FAM200B: variants seen among roughly 807,000 people sequenced by gnomAD.
FAM200B encodes protein FAM200B.
In FAM200B, 32 loss-of-function variants were observed where a neutral mutation model predicts 33.1. The observed-to-expected ratio is 0.97, with a 90% CI of 0.73 to 1.30. The LOEUF (loss-of-function observed/expected upper bound fraction) is 1.30, where lower values mean the gene tolerates loss of function less well. Among genes scored for constraint, FAM200B ranks in the 50% most tolerant of loss-of-function variants. FAM200B has a pLI of 0.00. For missense variants in FAM200B, 741 were observed against 754.0 expected (o/e 0.98, Z 0.20); for synonymous variants, 240 against 264.8 (o/e 0.91, Z 0.91).
At chr4:15,656,154 T>C in the FAM200B span, 2 of 455,814 alleles carry the variant, frequency 4.4e-6, no homozygotes, top group South Asian at 1.5e-5. Flanking sequence ...TAATGGAAGG[T>C]TGGTGCGGGA....
In FAM200B at chr4:15,686,293, AT is replaced by A. The variant is rs1718842366; in HGVS notation, c.-682del. The stretch of plus-strand genomic sequence containing the variant: ...AATATACCATCAACTCCAACCTGAT[AT>A]TTGACCTAGCCATGGAAAACCTCAT... On this transcript the variant is annotated 5_prime_UTR_variant, in exon 2 of 2. Coordinates refer to ENST00000422728, the MANE Select transcript of FAM200B (RefSeq NM_001145191.2). 1 of 152,204 alleles carries A rather than the reference AT, an allele frequency of 6.6e-6. No homozygotes were observed. Among genetic ancestry groups the A allele is most frequent in the Non-Finnish European group, 1.5e-5 (1 of 68,044 alleles). 9.4% of individuals were successfully genotyped at this position (152,204 alleles called of 1,614,324 possible). A position where few individuals can be genotyped will look rare whatever the true frequency, so the allele number is the denominator to read the frequency against.
chr4:15,674,971 T>C, the FAM200B span, among the ~76,000 whole-genome samples: 1 of 152,158 alleles, frequency 6.6e-6, no homozygotes, highest in Non-Finnish European at 1.5e-5. Context: ...TAATGATAAA[T>C]TAATTTGTCA....
chr4:15,638,709 A>C, the FAM200B span: 1 of 1,509,772 alleles, frequency 6.6e-7, no homozygotes, highest in Non-Finnish European at 9.0e-7. Flanking sequence ...ATTAAACAAA[A>C]TATTCACGAG....
At chr4:15,658,609 CAG>C in the FAM200B span, among the ~76,000 whole-genome samples, 3 of 152,208 alleles carry the variant, frequency 2.0e-5, no homozygotes, top group African/African-American at 2.4e-5. Flanking sequence ...TGGGACTCTG[CAG>C]AGTCGCCACC....
upstream of FAM200B, among the ~76,000 whole-genome samples, chr4:15,679,161 C>G (rs2148834414): frequency 6.7e-6 from 1 of 149,870 alleles, no homozygotes; most frequent in East Asian, 2.0e-4. Context: ...CTCCTGGGTT[C>G]AAGCGATTCT....
upstream of FAM200B, among the ~76,000 whole-genome samples, chr4:15,680,118 A>G (rs907919451): frequency 7.6e-5 from 11 of 143,828 alleles, no homozygotes; most frequent in African/African-American, 3.0e-4. Flanking sequence ...GTAAAACAGG[A>G]AAAAAAAAAA....
At chr4:15,654,659 T>G in the FAM200B span, among the ~76,000 whole-genome samples, 1 of 151,796 alleles carries the variant, frequency 6.6e-6, no homozygotes, top group Admixed American at 6.6e-5. Flanking sequence ...AAGCCGGGGG[T>G]AAAAGGAACC....
chr4:15,656,128 T>TG, the FAM200B span: 1 of 451,638 alleles, frequency 2.2e-6, no homozygotes, highest in Non-Finnish European at 4.4e-6. Context: ...GCCTTGGGGG[T>TG]GGGGAGAAGG....
At chr4:15,656,329 T>C in the FAM200B span, 1 of 456,216 alleles carries the variant, frequency 2.2e-6, no homozygotes, top group Non-Finnish European at 4.4e-6. Flanking sequence ...TTAGATTGGT[T>C]GGCTGGAGTA....
chr4:15,664,762 T>C, the FAM200B span, among the ~76,000 whole-genome samples: 50 of 151,888 alleles, frequency 3.3e-4, no homozygotes, highest in Non-Finnish European at 3.2e-4. Context: ...TTTCACCATG[T>C]TGGCCAGGCT....
chr4:15,640,715 G>T, the FAM200B span: 1 of 756,760 alleles, frequency 1.3e-6, no homozygotes. Flanking sequence ...GCATTATTTT[G>T]AAGAGTCTCT....
the FAM200B span, among the ~76,000 whole-genome samples, chr4:15,646,313 C>A: frequency 2.0e-4 from 30 of 151,982 alleles, no homozygotes; most frequent in Non-Finnish European, 3.4e-4. Context: ...ATGCTTGGCT[C>A]TTAAGCCACA....
the FAM200B span, among the ~76,000 whole-genome samples, chr4:15,665,230 C>A: frequency 6.6e-6 from 1 of 152,066 alleles, no homozygotes; most frequent in Non-Finnish European, 1.5e-5. Flanking sequence ...GTTCCAGTGG[C>A]GGGTTGTTTC....
chr4:15,649,821 T>C, the FAM200B span, among the ~76,000 whole-genome samples: 2 of 152,184 alleles, frequency 1.3e-5, no homozygotes, highest in East Asian at 3.9e-4. Flanking sequence ...AAAGTAGATA[T>C]CAAAATCCTC....
At chr4:15,640,720 GTC>G in the FAM200B span, 1 of 805,652 alleles carries the variant, frequency 1.2e-6, no homozygotes, top group Non-Finnish European at 1.9e-6. Flanking sequence ...ATTTTGAAGA[GTC>G]TCTAAAGCAA....
chr4:15,678,682 T>A (rs1718084142), upstream of FAM200B, among the ~76,000 whole-genome samples: 2 of 152,222 alleles, frequency 1.3e-5, no homozygotes, highest in Non-Finnish European at 2.9e-5. Context: ...AATTGGTTTC[T>A]TATAATTTTA....
At chr4:15,640,777 A>C in the FAM200B span, 92 of 1,434,620 alleles carry the variant, frequency 6.4e-5, no homozygotes, top group Non-Finnish European at 8.5e-5. Context: ...CGAAAGAAAA[A>C]TTATGCTTAC....
chr4:15,649,084 A>G, the FAM200B span, among the ~76,000 whole-genome samples: 1 of 152,328 alleles, frequency 6.6e-6, no homozygotes, highest in East Asian at 1.9e-4. Context: ...AATATTTTGT[A>G]CAACAGGTTG....
the FAM200B span, chr4:15,638,741 G>T: frequency 8.3e-7 from 1 of 1,201,148 alleles, no homozygotes; most frequent in East Asian, 2.4e-5. Flanking sequence ...CATTCGTGTT[G>T]ATTTACTCTA....
Sources: allele counts gnomAD v4.1 joint callset (sites outside exome capture counted in the v4.1 genomes callset), GRCh38; gene constraint gnomAD v4.1.1; transcripts MANE v1.5; gene names NCBI Gene and HGNC (gene_info 2026-07-23, HGNC 2026-07-21).